Variants in TACC3 observed in about 807,000 individuals in gnomAD.
TACC3 encodes the protein transforming acidic coiled-coil containing protein 3.
In TACC3, 52 loss-of-function variants were observed where a neutral mutation model predicts 86.0. The observed-to-expected ratio is 0.60, with a 90% CI of 0.48 to 0.76. The LOEUF (loss-of-function observed/expected upper bound fraction) is 0.76, where lower values mean the gene tolerates loss of function less well. Ranked by LOEUF, TACC3 falls within the 30% of genes least tolerant of loss-of-function variation. The probability of loss-of-function intolerance (pLI) is 0.00; values close to 1 mark genes in which losing one functional copy is unlikely to be tolerated. For synonymous variants in TACC3, 512 were observed against 430.0 expected (o/e 1.19, Z -2.36); for missense variants, 1,120 against 1,070.4 (o/e 1.05, Z -0.65).
chr4:1,740,028 C>G (rs377369763), intron 12 of TACC3, 26 bp downstream of exon 12: 2 of 1,612,072 alleles, frequency 1.2e-6, no homozygotes, highest in African/African-American at 1.3e-5. Flanking sequence ...ACCGAGGCCA[C>G]GTGCCTCCAC....
chr4:1,739,643 A>T, intron 10 of TACC3, 59 bp from the exon 11 acceptor site: 1 of 1,487,714 alleles, frequency 6.7e-7, no homozygotes, highest in Non-Finnish European at 9.2e-7. Flanking sequence ...TCCTGTGGGG[A>T]GGTCCTGGGA....
At position 1,732,144 on chromosome 4, in the gene TACC3, T is replaced by A. The variant is rs188503290; in HGVS notation, c.1591+843T>A. Among the ~76,000 whole-genome samples, 124 of 151,682 alleles carry A rather than the reference T, an allele frequency of 8.2e-4. No homozygotes were observed. In the Middle Eastern group the frequency reaches 0.01, roughly 13 times the overall value. ...TTGGAGGCTGCACTTGAATACGGTT[T>A]GTCTGTAAGATTGGAGGCTGCAGTT... On this transcript the variant is annotated intron_variant, in intron 6 of 15. Coordinates refer to ENST00000313288, the MANE Select transcript of TACC3 (RefSeq NM_006342.3).
Position 1,737,662 on chromosome 4 carries a change from TG to T in TACC3, c.1903del (p.Asp635ThrfsTer14). The T allele has an allele frequency of 6.5e-7, 1 of 1,550,182 alleles. No homozygotes were observed. The highest frequency in any genetic ancestry group is 8.7e-7 in the Non-Finnish European group (1 of 1,146,410). On this transcript the variant is annotated frameshift_variant, in exon 10 of 16. Transcript: ENST00000313288. LOFTEE classifies it high-confidence loss of function. ...GGPPLSTGPI[V>X]DLLQYSQKDL... ...CCACCCCTGTCCACCGGACCTATAG[TG>T]GACCTGCTCCAGTACAGCCAGAAGG...
Position 1,735,191 on chromosome 4 carries a change from T to A in TACC3, c.1592-82T>A, listed in dbSNP as rs559631448. ...GCTGGCTGGAATGATCCTGCCTCAC[T>A]GAGTGCTGAGGGAGACACCAGCCCG... On this transcript the variant is annotated intron_variant, in intron 6 of 15. Coordinates refer to ENST00000313288, the MANE Select transcript of TACC3 (RefSeq NM_006342.3). This position sits in a 1 kb window ranked among gnomAD's most constrained non-coding sequence, Gnocchi z 4.2. The A allele has an allele frequency of 1.7e-4, 264 of 1,551,986 alleles. No homozygotes were observed. The African/African-American group carries it at 3.2e-3, about 19-fold the overall frequency.
At chr4:1,733,976 C>CAAAA (rs59539835) in intron 6 of TACC3, among the ~76,000 whole-genome samples, 1 of 123,494 alleles carries the variant, frequency 8.1e-6, no homozygotes, top group Non-Finnish European at 1.7e-5. Flanking sequence ...GACTCTGTCT[C>CAAAA]AAAAAAAAAA....
intron 10 of TACC3, chr4:1,738,183 G>A (rs376320749): frequency 9.9e-6 from 3 of 304,402 alleles, no homozygotes; most frequent in Non-Finnish European, 1.9e-5. Context: ...GGCCTAAATT[G>A]TCCCTAAGAG....
rs1235392492 is a variant in TACC3 at position 1,731,281 on chromosome 4, G to A, written c.1571G>A (p.Ser524Asn). ...GQPALELKEE[S>N]FRDPAEVLGT... ...CCTGCCTTGGAGCTGAAAGAGGAGA[G>A]CTTCAGAGACCCCGCTGAGGGTACG... Residue 524 changes from serine to asparagine, a missense_variant, in exon 6 of 16, where the codon AGC (serine) becomes AAC (asparagine). By Grantham distance (46) the Ser-to-Asn change is conservative. Transcript: ENST00000313288. 1 of 1,613,298 alleles carries A rather than the reference G, an allele frequency of 6.2e-7. No individual in the cohort carries two copies.
intron 4 of TACC3, 147 bp from the exon 5 acceptor site, chr4:1,730,740 C>G: frequency 2.1e-6 from 2 of 945,424 alleles, no homozygotes; most frequent in Non-Finnish European, 3.4e-6. Flanking sequence ...TCGCTTGGGA[C>G]AGCCCCATGC....
At chr4:1,724,168 A>C (rs1398498184) in intron 3 of TACC3, among the ~76,000 whole-genome samples, 4 of 150,984 alleles carry the variant, frequency 2.6e-5, no homozygotes, top group Non-Finnish European at 5.9e-5. Context: ...AAGGGGTTTC[A>C]CCGTGTTAGC....
intron 10 of TACC3, chr4:1,738,016 G>A (rs1034984325): frequency 1.1e-4 from 50 of 436,404 alleles, no homozygotes; most frequent in East Asian, 9.9e-4. Context: ...CCGTGAGCCC[G>A]AGTGTCGCCC....
chr4:1,743,259 A>T (rs1387904802), intron 13 of TACC3, among the ~76,000 whole-genome samples: 1 of 55,730 alleles, frequency 1.8e-5, no homozygotes, highest in Non-Finnish European at 5.0e-5. Flanking sequence ...CGTCTCAAAA[A>T]AAAAAAAAAA....
rs1459261946 is a variant in TACC3, at chr4:1,739,715, A to G, written c.1955A>G (p.Gln652Arg). 10 of 1,583,530 alleles carry G rather than the reference A, an allele frequency of 6.3e-6. No homozygotes were observed. Among genetic ancestry groups the G allele is most frequent in the African/African-American group, 1.3e-5 (1 of 74,270 alleles). The change falls in exon 11 of 16, where the codon CAG becomes CGG. Residue 652 changes from glutamine (Q) to arginine (R), a missense_variant. Gln to Arg is a conservative substitution (Grantham distance 43). Coordinates refer to ENST00000313288, the MANE Select transcript of TACC3 (RefSeq NM_006342.3). ...TGGCCTGAGCAGGTAAAGGCGACAC[A>G]GGAGGAGAACCGGGAGCTGAGGAGC... ...KDLDAVVKAT[Q>R]EENRELRSRC...
intron 9 of TACC3, 128 bp from the exon 10 acceptor site, chr4:1,737,470 G>T: frequency 1.9e-6 from 2 of 1,078,332 alleles, no homozygotes; most frequent in South Asian, 1.5e-5. Flanking sequence ...TTCCCTCGCC[G>T]CACTGTCTCG....
upstream of TACC3, chr4:1,721,227 T>G: frequency 6.1e-6 from 1 of 163,728 alleles, no homozygotes; most frequent in Non-Finnish European, 1.3e-5. Context: ...AACTTAGGCC[T>G]GAGCGAGGCC....
chr4:1,742,189 A>C (rs1419250691), intron 13 of TACC3: 2 of 152,322 alleles, frequency 1.3e-5, no homozygotes, highest in Non-Finnish European at 2.9e-5. Context: ...TCAGGTCTGC[A>C]GGGAGCAGAT....
At chr4:1,720,714 C>T (rs1168514313), upstream of TACC3, 3 of 1,559,642 alleles carry the variant, frequency 1.9e-6, no homozygotes, top group African/African-American at 2.7e-5. The surrounding 1 kb of genome is among the most constrained non-coding windows in gnomAD (Gnocchi z 4.4). Flanking sequence ...TCCTCGCTGC[C>T]CAGCCAGCCC....
At chr4:1,743,880 C>G (rs1023211155) in intron 13 of TACC3, among the ~76,000 whole-genome samples, 4 of 152,178 alleles carry the variant, frequency 2.6e-5, no homozygotes, top group Non-Finnish European at 5.9e-5. Context: ...GGTAGGGGCT[C>G]AGGGAGAGGC....
intron 10 of TACC3, chr4:1,738,337 G>A (rs1218156069): frequency 4.8e-6 from 1 of 206,714 alleles, no homozygotes; most frequent in Admixed American, 5.3e-5. Context: ...CCACACCAGT[G>A]TTGTTCACAG....
intron 6 of TACC3, among the ~76,000 whole-genome samples, chr4:1,734,525 G>A (rs73077693): frequency 0.029 from 4,460 of 152,208 alleles, 98 homozygotes; most frequent in South Asian, 0.067. Flanking sequence ...GGCCGAGACC[G>A]GAGGATCACT....
Sources: gnomAD v4.1 joint callset for allele counts (sites outside exome capture counted in the v4.1 genomes callset) on GRCh38, gnomAD v4.1.1 for gene constraint, Gnocchi (gnomAD v3.1) non-coding constraint, MANE v1.5 for transcripts, NCBI Gene and HGNC (gene_info 2026-07-23, HGNC 2026-07-21) for gene names.